YLPM1: variants seen among roughly 807,000 people sequenced by gnomAD.
The protein encoded by YLPM1 is YLP motif-containing protein 1.
In YLPM1, 99 loss-of-function variants were observed where a neutral mutation model predicts 230.0. That is an observed-to-expected ratio of 0.43 (90% CI 0.37 to 0.51). The LOEUF (loss-of-function observed/expected upper bound fraction) is 0.51. YLPM1 is among the 20% of genes least tolerant of loss of function. The probability of loss-of-function intolerance (pLI) is 0.00; values close to 1 mark genes in which losing one functional copy is unlikely to be tolerated. For synonymous variants in YLPM1, 984 were observed against 942.5 expected (o/e 1.04, Z -0.81); for missense variants, 2,592 against 2,707.7 (o/e 0.96, Z 0.95).
intron 7 of YLPM1, 21 bp from the exon 8 acceptor site, chr14:74,809,889 A>C (rs2091417503): frequency 6.2e-7 from 1 of 1,603,590 alleles, no homozygotes; most frequent in East Asian, 2.2e-5. Flanking sequence ...ACAGTACTTT[A>C]TCTCTGATTT....
In YLPM1 at chr14:74,829,328, G is replaced by C; in HGVS notation, c.6279G>C (p.Glu2093Asp). 5 of 1,613,056 alleles carry C rather than the reference G, an allele frequency of 3.1e-6. No individual in the cohort carries two copies. The highest frequency in any genetic ancestry group is 4.2e-6 in the Non-Finnish European group (5 of 1,179,234). Residue 2093 changes from glutamate (E) to aspartate (D), a missense_variant, in exon 19 of 21, where the codon GAG becomes GAC. Coordinates refer to ENST00000325680, the MANE Select transcript of YLPM1 (RefSeq NM_019589.3). ...ATGATTATGATACTCGTGCTTCTGA[G>C]CCTGGGAAGAAGAGGGTAAGAGACT... ...LPDDYDTRAS[E>D]PGKKRVRWAD...
At position 74,782,239 on chromosome 14, in the gene YLPM1, T is replaced by C; in HGVS notation, c.2196T>C (p.Thr732=). The change falls in exon 4 of 21, where the codon ACT becomes ACC. Residue 732 remains threonine, a synonymous_variant. Coordinates refer to ENST00000325680, the MANE Select transcript of YLPM1 (RefSeq NM_019589.3). ...ESSAAPSQPI[T]AVKDMPVRSG... is the part of the protein sequence containing the mutation. ...CAGCTGCTCCATCTCAGCCAATCACTGCAGTGAAGGACATGCCAGTGAGAT... is the reference window on the plus strand; with the variant it reads ...CAGCTGCTCCATCTCAGCCAATCACCGCAGTGAAGGACATGCCAGTGAGAT... 1 of 1,598,384 alleles carries C rather than the reference T, an allele frequency of 6.3e-7. No homozygotes were observed.
intron 7 of YLPM1, 34 bp downstream of exon 7, chr14:74,809,831 C>G (rs2091417030): frequency 6.2e-7 from 1 of 1,610,732 alleles, no homozygotes; most frequent in Admixed American, 1.7e-5. Flanking sequence ...ATTTGGGATT[C>G]TACAGGAATT....
chr14:74,828,412 A>G (rs1314506249), intron 18 of YLPM1, among the ~76,000 whole-genome samples: 1 of 152,214 alleles, frequency 6.6e-6, no homozygotes, highest in East Asian at 1.9e-4. Flanking sequence ...AATAACCAAT[A>G]AAAGACTCAA....
chr14:74,794,308 C>T (rs1018602274), intron 4 of YLPM1, among the ~76,000 whole-genome samples: 5 of 152,096 alleles, frequency 3.3e-5, no homozygotes, highest in African/African-American at 1.2e-4. Context: ...CTCTGCCTTC[C>T]GAGTAGCTGG....
rs761578228 is a variant in YLPM1, at chr14:74,798,319, A to C, written c.3022A>C (p.Asn1008His). The C allele has an allele frequency of 6.2e-7, 1 of 1,613,954 alleles. No homozygotes were observed. The highest frequency in any genetic ancestry group is 1.1e-5 in the South Asian group (1 of 91,076). ...CCTGCCTCGGCCAGATAATAGAGAT[A>C]ATAGATTAGAAGGCAATAGAGGCAA... Reference protein sequence around the residue: ...KGLPRPDNRDNRLEGNRGNSS... With the variant: ...KGLPRPDNRDHRLEGNRGNSS... The change falls in exon 5 of 21, where the codon AAT becomes CAT. Residue 1008 changes from asparagine to histidine, a missense_variant. Transcript: ENST00000325680.
chr14:74,821,287 A>G, intron 17 of YLPM1, 150 bp downstream of exon 17: 1 of 1,191,654 alleles, frequency 8.4e-7, no homozygotes. Flanking sequence ...ACTTTTGGAT[A>G]CTCTTTATTT....
intron 11 of YLPM1, among the ~76,000 whole-genome samples, chr14:74,815,257 A>C (rs1469820145): frequency 6.6e-6 from 1 of 152,004 alleles, no homozygotes; most frequent in East Asian, 1.9e-4. Context: ...CCTAGGTAAG[A>C]GTTCATCAAT....
At chr14:74,783,379 G>A (rs867214503) in intron 4 of YLPM1, among the ~76,000 whole-genome samples, 1 of 152,116 alleles carries the variant, frequency 6.6e-6, no homozygotes, top group Non-Finnish European at 1.5e-5. Flanking sequence ...GAGCCACCAC[G>A]CTCAGCCAGA....
intron 16 of YLPM1, among the ~76,000 whole-genome samples, chr14:74,818,791 T>G (rs1455438959): frequency 1.3e-5 from 2 of 152,232 alleles, no homozygotes; most frequent in Non-Finnish European, 2.9e-5. Flanking sequence ...TTTTCAAAAA[T>G]CTAAGATTCA....
At chr14:74,809,863 C>G in intron 7 of YLPM1, 47 bp from the exon 8 acceptor site, 1 of 1,605,802 alleles carries the variant, frequency 6.2e-7, no homozygotes, top group South Asian at 1.1e-5. Flanking sequence ...CTTTAGCTTT[C>G]TCTAGCTTCA....
chr14:74,798,278 A>C lies in YLPM1; in HGVS notation c.2981A>C (p.Asn994Thr), dbSNP rs182876885. The C allele has an allele frequency of 1.8e-4, 294 of 1,613,996 alleles. No homozygotes were observed. In the African/African-American group the frequency reaches 3.3e-3, roughly 18 times the overall value. ...GGTATTGGTCTACCCCATTCAGAAA[A>C]CAACCAAGATAAAGGCCTGCCTCGG... ...PVGIGLPHSE[N>T]NQDKGLPRPD... is the part of the protein sequence containing the mutation. The change falls in exon 5 of 21, where the codon AAC (asparagine) becomes ACC (threonine). Residue 994 changes from asparagine (N) to threonine (T), a missense_variant. This residue lies in a region of YLPM1 where 1,862 missense variants were observed against 1,819.8 expected (regional missense o/e 1.02). Transcript: ENST00000325680.
chr14:74,772,063 G>A (rs2090981859), intron 1 of YLPM1, among the ~76,000 whole-genome samples: 1 of 151,882 alleles, frequency 6.6e-6, no homozygotes, highest in South Asian at 2.1e-4. Context: ...ACCTGGATAG[G>A]GAAGGTAATC....
At chr14:74,826,207 A>G (rs1216187170) in intron 18 of YLPM1, among the ~76,000 whole-genome samples, 1 of 152,136 alleles carries the variant, frequency 6.6e-6, no homozygotes, top group Non-Finnish European at 1.5e-5. Context: ...TTGAGAGCTA[A>G]TCCCACCACA....
At chr14:74,776,215 A>G (rs1434322428) in intron 1 of YLPM1, among the ~76,000 whole-genome samples, 1 of 152,048 alleles carries the variant, frequency 6.6e-6, no homozygotes, top group East Asian at 1.9e-4. Context: ...TTTATTTGAG[A>G]TTTTTAAACT....
In YLPM1 at chr14:74,784,293, TTAA is replaced by T. The variant is rs764260016; in HGVS notation, c.2282+1973_2282+1975del. Among the ~76,000 whole-genome samples the T allele has an allele frequency of 5.1e-4, 78 of 152,348 alleles. 1 individual carries two copies. Among genetic ancestry groups the T allele is most frequent in the Non-Finnish European group, 6.0e-4 (41 of 68,026 alleles). ...CTTCAGAAGAAAATAACTTCTCAAGTTAATAATCTCTGTGCTGGGAGGATATTA... is the reference window on the plus strand; with the variant it reads ...CTTCAGAAGAAAATAACTTCTCAAGTTAATCTCTGTGCTGGGAGGATATTA... On this transcript the variant is annotated intron_variant, in intron 4 of 20. Coordinates refer to ENST00000325680, the MANE Select transcript of YLPM1 (RefSeq NM_019589.3).
At chr14:74,805,312 C>T (rs1216660085) in intron 6 of YLPM1, among the ~76,000 whole-genome samples, 1 of 151,954 alleles carries the variant, frequency 6.6e-6, no homozygotes, top group Non-Finnish European at 1.5e-5. Flanking sequence ...TGAACCACCG[C>T]ACCCGGCCAA....
intron 18 of YLPM1, chr14:74,827,869 C>T (rs929663485): frequency 8.1e-6 from 8 of 985,090 alleles, no homozygotes; most frequent in South Asian, 9.4e-5. Context: ...GTCATATACA[C>T]GTAGATAGAG....
At chr14:74,776,930 C>T (rs879764179) in intron 1 of YLPM1, among the ~76,000 whole-genome samples, 2 of 151,946 alleles carry the variant, frequency 1.3e-5, no homozygotes, top group Non-Finnish European at 2.9e-5. Flanking sequence ...GTGGCACATA[C>T]CTGTGGTCCC....
Sources: gnomAD v4.1 joint callset for allele counts (sites outside exome capture counted in the v4.1 genomes callset) on GRCh38, gnomAD v4.1.1 for gene constraint, gnomAD v4.1.1 regional missense constraint, MANE v1.5 for transcripts, NCBI Gene and HGNC (gene_info 2026-07-23, HGNC 2026-07-21) for gene names.